The following BIRC7 variants were observed in gnomAD, a reference collection of about 807,000 sequenced individuals.
BIRC7 encodes baculoviral IAP repeat containing 7, also known as baculoviral IAP repeat-containing protein 7.
Under a neutral mutation model 33.2 loss-of-function variants are expected in BIRC7, and 26 were observed. The observed-to-expected ratio is 0.78, with a 90% CI of 0.57 to 1.09. BIRC7 has a LOEUF of 1.09. BIRC7 is among the 50% of genes least tolerant of loss of function. The pLI, the probability that BIRC7 is intolerant of heterozygous loss-of-function variation, is 0.00. For synonymous variants in BIRC7, 176 were observed against 171.0 expected, an observed-to-expected ratio of 1.03 and a Z score of -0.23; for missense variants, 409 against 401.2, an observed-to-expected ratio of 1.02 and a Z score of -0.17.
In BIRC7 at chr20:63,239,350, C is replaced by A. The variant is rs764218395; in HGVS notation, c.650-8C>A. 3 of 1,602,504 alleles carry A rather than the reference C, an allele frequency of 1.9e-6. No individual in the cohort carries two copies. The highest frequency in any genetic ancestry group is 4.5e-5 in the East Asian group (2 of 44,858). On this transcript the variant is annotated splice_region_variant and splice_polypyrimidine_tract_variant and intron_variant, in intron 5 of 6. Coordinates refer to ENST00000217169, the MANE Select transcript of BIRC7 (RefSeq NM_139317.3). ...GTGTGGGGACATTTCGCAGGCCTGT[C>A]CTCCTAGGAGGGGTCAGTCCAGCCG...
At position 63,236,408 on chromosome 20, in the gene BIRC7, A is replaced by C; in HGVS notation, c.312A>C (p.Pro104=). ...ACTGGCCGCTGACTGCTGAGGTGCC[A>C]CCCGAGCTGCTGGCTGCTGCCGGCT... is the stretch of plus-strand genomic sequence containing the variant. ...FYDWPLTAEV[P]PELLAAAGFF... Residue 104 remains proline, a synonymous_variant, in exon 1 of 7, where the codon CCA becomes CCC. Transcript: ENST00000217169. 1 of 1,551,668 alleles carries C rather than the reference A, an allele frequency of 6.4e-7. No homozygotes were observed. The highest frequency in any genetic ancestry group is 1.2e-5 in the South Asian group (1 of 82,030).
At chr20:63,239,284 G>A (rs2123029822) in intron 5 of BIRC7, 51 bp downstream of exon 5, 3 of 1,607,874 alleles carry the variant, frequency 1.9e-6, no homozygotes, top group Non-Finnish European at 2.5e-6. Context: ...GAGGGCTGAG[G>A]GACCCCGACC....
intron 5 of BIRC7, 61 bp downstream of exon 5, chr20:63,239,294 C>T: frequency 3.1e-6 from 5 of 1,606,740 alleles, no homozygotes; most frequent in Non-Finnish European, 4.2e-6. Context: ...GGACCCCGAC[C>T]TTCCATGGCC....
At chr20:63,238,856 C>T in intron 4 of BIRC7, 3 of 642,346 alleles carry the variant, frequency 4.7e-6, no homozygotes, top group Admixed American at 2.9e-5. Flanking sequence ...CCCTTGGGCA[C>T]AGCCCATTGC....
intron 1 of BIRC7, among the ~76,000 whole-genome samples, chr20:63,237,310 G>C (rs1248926917): frequency 1.5e-4 from 23 of 152,236 alleles, no homozygotes; most frequent in Non-Finnish European, 2.9e-5. Context: ...CAGGTGCAGA[G>C]CCGGGGTCTT....
chr20:63,238,504 C>T lies in BIRC7; in HGVS notation c.531+27C>T, dbSNP rs201279207. On this transcript the variant is annotated intron_variant, in intron 3 of 6. Transcript: ENST00000217169. ...TGAGCGCCACCTCTCCTCGGGGCTC[C>T]GGGTGGCAGTGGGGTCCTGCCCCTC... 6.9e-5 allele frequency: 112 copies of T among 1,612,794 alleles called. No individual in the cohort carries two copies. In the African/African-American group the frequency reaches 7.9e-4, roughly 11 times the overall value.
chr20:63,238,969 G>T (rs2066711423), intron 4 of BIRC7, 193 bp from the exon 5 acceptor site: 2 of 667,520 alleles, frequency 3.0e-6, no homozygotes, highest in Non-Finnish European at 5.1e-6. Context: ...CAGGCTCTCT[G>T]GTGGCGCCTC....
intron 1 of BIRC7, 131 bp downstream of exon 1, chr20:63,236,576 T>A (rs2123023472): frequency 7.5e-7 from 1 of 1,334,314 alleles, no homozygotes; most frequent in East Asian, 2.6e-5. Context: ...GACGGAGCAG[T>A]GGTCCTGCAA....
chr20:63,236,149 A>G lies in BIRC7; in HGVS notation c.53A>G (p.His18Arg). ...KCLHRGPQPS[H>R]WAAGDGPTQE... is the part of the protein sequence containing the mutation. ...CTGCACCGTGGACCACAGCCGAGCC[A>G]CTGGGCAGCCGGTGATGGTCCCACG... The change falls in exon 1 of 7, where the codon CAC (histidine) becomes CGC (arginine). Residue 18 changes from histidine (H) to arginine (R), a missense_variant. Physicochemically the swap from His to Arg is conservative, Grantham distance 29. Transcript: ENST00000217169. The G allele has an allele frequency of 1.3e-6, 2 of 1,591,740 alleles. No individual in the cohort carries two copies. The highest frequency in any genetic ancestry group is 4.6e-5 in the East Asian group (2 of 43,766).
At chr20:63,238,162 C>G (rs2066703588) in intron 2 of BIRC7, 160 bp downstream of exon 2, 1 of 875,754 alleles carries the variant, frequency 1.1e-6, no homozygotes, top group East Asian at 2.7e-5. Flanking sequence ...CAGGTACCCA[C>G]TTTTCCTGTG....
At chr20:63,237,292 A>G (rs541155771) in intron 1 of BIRC7, among the ~76,000 whole-genome samples, 88 of 152,312 alleles carry the variant, frequency 5.8e-4, no homozygotes, top group Non-Finnish European at 1.0e-3. Context: ...GCCAGGCAAG[A>G]GGCATGGCAG....
rs941640939 is a variant in BIRC7 at position 63,240,353 on chromosome 20, T to A, written c.*103T>A. 6.5e-6 allele frequency: 1 copy of A among 152,766 alleles called. No individual in the cohort carries two copies. Among genetic ancestry groups the A allele is most frequent in the Non-Finnish European group, 1.5e-5 (1 of 68,520 alleles). 9.5% of individuals were successfully genotyped at this position (152,766 alleles called of 1,614,324 possible). A position where few individuals can be genotyped will look rare whatever the true frequency, so the allele number is the denominator to read the frequency against. On this transcript the variant is annotated 3_prime_UTR_variant, in exon 7 of 7. Coordinates refer to ENST00000217169, the MANE Select transcript of BIRC7 (RefSeq NM_139317.3). ...GGCCTGCTGAGGATGGCAGAGCTGG[T>A]GTCCATCCAGCACTGACCAGCCCTG...
intron 6 of BIRC7, among the ~76,000 whole-genome samples, chr20:63,239,988 G>A (rs1043250887): frequency 3.3e-4 from 51 of 152,384 alleles, no homozygotes; most frequent in East Asian, 1.5e-3. Context: ...GCTTCAACCC[G>A]GGGCCAAGGC....
chr20:63,239,564 A>G lies in BIRC7; in HGVS notation c.856A>G (p.Arg286Gly). Residue 286 changes from arginine (R) to glycine (G), a missense_variant, in exon 6 of 7, where the codon AGA becomes GGA. Physicochemically the swap from Arg to Gly is moderately radical, Grantham distance 125 (BLOSUM62 -2). Coordinates refer to ENST00000217169, the MANE Select transcript of BIRC7 (RefSeq NM_139317.3). Reference sequence around the variant, plus strand: ...CGGCCTGCAGCTGTGCCCCATCTGCAGAGCCCCCGTCCGCAGCCGCGTGCG... The same window carrying G: ...CGGCCTGCAGCTGTGCCCCATCTGCGGAGCCCCCGTCCGCAGCCGCGTGCG... ...APGLQLCPIC[R>G]APVRSRVRTF... is the part of the protein sequence containing the mutation. The G allele has an allele frequency of 6.2e-7, 1 of 1,602,080 alleles. No homozygotes were observed. The highest frequency in any genetic ancestry group is 8.5e-7 in the Non-Finnish European group (1 of 1,179,548).
chr20:63,238,746 C>A, intron 4 of BIRC7, 132 bp downstream of exon 4: 2 of 1,317,148 alleles, frequency 1.5e-6, no homozygotes, highest in South Asian at 1.3e-5. Flanking sequence ...GACGCTGCTG[C>A]CTGGGTTGGC....
intron 2 of BIRC7, 91 bp from the exon 3 acceptor site, chr20:63,238,305 G>C (rs188716182): frequency 6.7e-7 from 1 of 1,487,244 alleles, no homozygotes; most frequent in Non-Finnish European, 9.3e-7. Context: ...GGCGGGAGGA[G>C]GGGGCCCAAC....
Position 63,237,960 on chromosome 20 carries a change from G to C in BIRC7, c.407G>C (p.Arg136Pro). ...FCYGGLQSWK[R>P]GDDPWTEHAK... ...TATGGGGGCCTGCAGAGCTGGAAGCGCGGGGACGACCCCTGGACGGAGCAT... is the reference window on the plus strand; with the variant it reads ...TATGGGGGCCTGCAGAGCTGGAAGCCCGGGGACGACCCCTGGACGGAGCAT... Residue 136 changes from arginine to proline, a missense_variant, in exon 2 of 7, where the codon CGC becomes CCC. By Grantham distance (103) the Arg-to-Pro change is moderately radical. Coordinates refer to ENST00000217169, the MANE Select transcript of BIRC7 (RefSeq NM_139317.3). 1 of 1,608,932 alleles carries C rather than the reference G, an allele frequency of 6.2e-7. No individual in the cohort carries two copies. The highest frequency in any genetic ancestry group is 1.3e-5 in the African/African-American group (1 of 74,796).
In BIRC7 at chr20:63,238,427, G is replaced by C. The variant is rs753330289; in HGVS notation, c.481G>C (p.Asp161His). 5 of 1,612,262 alleles carry C rather than the reference G, an allele frequency of 3.1e-6. No individual in the cohort carries two copies. Among genetic ancestry groups the C allele is most frequent in the Non-Finnish European group, 3.4e-6 (4 of 1,179,976 alleles). The change falls in exon 3 of 7, where the codon GAC (aspartate) becomes CAC (histidine). Residue 161 changes from aspartate (D) to histidine (H), a missense_variant. By Grantham distance (81) the Asp-to-His change is moderately conservative. Transcript: ENST00000217169. ...GTTCCTGCTCCGGTCAAAAGGAAGA[G>C]ACTTTGTCCACAGTGTGCAGGAGAC... Reference protein sequence around the residue: ...CQFLLRSKGRDFVHSVQETHS... With the variant: ...CQFLLRSKGRHFVHSVQETHS...
chr20:63,239,358 G>A lies in BIRC7; in HGVS notation c.650G>A (p.Gly217Glu). The change falls in exon 6 of 7, where the codon GGA becomes GAA. Residue 217 changes from glycine to glutamate, a missense_variant and splice_region_variant. Transcript: ENST00000217169. ...ACATTTCGCAGGCCTGTCCTCCTAG[G>A]AGGGGTCAGTCCAGCCGAGGCCCAG... The part of the protein sequence containing the change: ...EVQSESAQEP[G>E]GVSPAEAQRA... The A allele has an allele frequency of 1.2e-6, 2 of 1,603,046 alleles. No homozygotes were observed. Among genetic ancestry groups the A allele is most frequent in the Non-Finnish European group, 1.7e-6 (2 of 1,179,678 alleles).
Sources: gnomAD v4.1 joint callset for allele counts (sites outside exome capture counted in the v4.1 genomes callset) on GRCh38, gnomAD v4.1.1 for gene constraint, MANE v1.5 for transcripts, NCBI Gene and HGNC (gene_info 2026-07-23, HGNC 2026-07-21) for gene names.